MTUS2: variants seen among roughly 807,000 people sequenced by gnomAD.
MTUS2 encodes the protein microtubule associated scaffold protein 2.
MTUS2 carries 40 observed loss-of-function variants against 114.1 expected under a neutral mutation model. The ratio of observed to expected loss-of-function variants is 0.35; its 90% CI spans 0.27 to 0.46. MTUS2 has a LOEUF of 0.46. MTUS2 is among the 20% of genes least tolerant of loss of function. The pLI is 1.00. For synonymous variants in MTUS2, 688 were observed against 672.0 expected, an observed-to-expected ratio of 1.02 and a Z score of -0.37; for missense variants, 1,679 against 1,705.4, an observed-to-expected ratio of 0.98 and a Z score of 0.27.
intron 2 of MTUS2, among the ~76,000 whole-genome samples, chr13:28,964,301 G>C (rs1883473305): frequency 6.6e-6 from 1 of 152,128 alleles, no homozygotes; most frequent in South Asian, 2.1e-4. Context: ...TGTCCTTGCT[G>C]TCTTTCCTCA....
intron 8 of MTUS2, among the ~76,000 whole-genome samples, chr13:29,426,760 C>A (rs57713648): frequency 0.014 from 2,170 of 152,322 alleles, 54 homozygotes; most frequent in African/African-American, 0.048. Context: ...TTTGTAGCAC[C>A]TGTCAGAATT....
At chr13:29,215,819 G>A (rs1357010069) in intron 5 of MTUS2, among the ~76,000 whole-genome samples, 1 of 152,296 alleles carries the variant, frequency 6.6e-6, no homozygotes, top group Admixed American at 6.5e-5. Context: ...GTTGACCCCT[G>A]CTGGGAAGTG....
At chr13:28,916,431 A>G (rs1880749675) in intron 2 of MTUS2, among the ~76,000 whole-genome samples, 1 of 152,144 alleles carries the variant, frequency 6.6e-6, no homozygotes, top group East Asian at 1.9e-4. Context: ...ATCCATGAAC[A>G]TGGAATATCT....
chr13:29,155,957 ATAGT>A lies in MTUS2; in HGVS notation c.2644+54989_2644+54992del, dbSNP rs552209229. Among the ~76,000 whole-genome samples, 3 of 152,240 alleles carry A rather than the reference ATAGT, an allele frequency of 2.0e-5. No homozygotes were observed. In the East Asian group the frequency reaches 5.8e-4, roughly 29 times the overall value. On this transcript the variant is annotated intron_variant, in intron 5 of 15. Coordinates refer to ENST00000612955, the MANE Select transcript of MTUS2 (RefSeq NM_001033602.4). Reference sequence around the variant, plus strand: ...ATTGACATAGGAGGCAGGGCAGTAAATAGTTGGTCTGAATGGACAGTAACCATAA... The same window carrying A: ...ATTGACATAGGAGGCAGGGCAGTAAATGGTCTGAATGGACAGTAACCATAA...
chr13:29,253,841 A>C (rs973003977), intron 5 of MTUS2, among the ~76,000 whole-genome samples: 2 of 152,172 alleles, frequency 1.3e-5, no homozygotes, highest in Non-Finnish European at 2.9e-5. Context: ...AGAGAGAGAG[A>C]GAGCTTGTGC....
At position 29,480,060 on chromosome 13, in the gene MTUS2, C is replaced by A; in HGVS notation, c.3185-90C>A. ...AGAGGACCTCGCCCTGTTTATTACG[C>A]CAGCCTTGATGATCTGACCATGGAG... On this transcript the variant is annotated intron_variant, in intron 9 of 15. Transcript: ENST00000612955. This position sits in a 1 kb window ranked among gnomAD's most constrained non-coding sequence, Gnocchi z 4.4. 7.5e-7 allele frequency: 1 copy of A among 1,338,162 alleles called. No homozygotes were observed. 82.9% of individuals were successfully genotyped at this position (1,338,162 alleles called of 1,614,324 possible). A position where few individuals can be genotyped will look rare whatever the true frequency, so the allele number is the denominator to read the frequency against.
intron 2 of MTUS2, among the ~76,000 whole-genome samples, chr13:28,881,308 G>A (rs181416369): frequency 7.0e-4 from 106 of 152,132 alleles, no homozygotes; most frequent in African/African-American, 2.3e-3. Context: ...ACATTAGTCC[G>A]TTCTTTTTAG....
intron 5 of MTUS2, among the ~76,000 whole-genome samples, chr13:29,253,786 G>A (rs1402782438): frequency 6.6e-6 from 1 of 152,196 alleles, no homozygotes; most frequent in African/African-American, 2.4e-5. Context: ...CATGATGGAA[G>A]GCGAGGAAGA....
chr13:29,188,117 T>G (rs1894299455), intron 5 of MTUS2, among the ~76,000 whole-genome samples: 1 of 152,180 alleles, frequency 6.6e-6, no homozygotes, highest in South Asian at 2.1e-4. Flanking sequence ...CAGGAATCTG[T>G]AATTTTATCA....
At chr13:29,306,609 C>G (rs1326208681) in intron 6 of MTUS2, among the ~76,000 whole-genome samples, 2 of 152,170 alleles carry the variant, frequency 1.3e-5, no homozygotes, top group Non-Finnish European at 2.9e-5. Flanking sequence ...TCAAGGAAAA[C>G]TACATACCAC....
intron 2 of MTUS2, among the ~76,000 whole-genome samples, chr13:28,958,784 T>G (rs2138203003): frequency 6.6e-6 from 1 of 152,366 alleles, no homozygotes; most frequent in South Asian, 2.1e-4. Flanking sequence ...AAGCTGTAGC[T>G]GTGGATGTTT....
upstream of MTUS2, among the ~76,000 whole-genome samples, chr13:28,820,146 T>C (rs1309830071): frequency 6.8e-6 from 1 of 146,460 alleles, no homozygotes; most frequent in Non-Finnish European, 1.5e-5. Flanking sequence ...GGCTTCTCTT[T>C]GTCCAGGCGA....
chr13:29,360,249 A>G (rs1010168593), intron 8 of MTUS2, among the ~76,000 whole-genome samples: 1 of 152,218 alleles, frequency 6.6e-6, no homozygotes, highest in Non-Finnish European at 1.5e-5. Flanking sequence ...GTATCTATAC[A>G]TGGGAGGAAG....
At chr13:28,998,259 A>G (rs1885211981) in intron 2 of MTUS2, among the ~76,000 whole-genome samples, 1 of 152,222 alleles carries the variant, frequency 6.6e-6, no homozygotes, top group African/African-American at 2.4e-5. Context: ...CCAAGAGATC[A>G]GCTGTTAGTC....
chr13:29,436,356 GT>G, intron 8 of MTUS2, among the ~76,000 whole-genome samples: 1 of 152,268 alleles, frequency 6.6e-6, no homozygotes, highest in African/African-American at 2.4e-5. Context: ...TAGAGTCCCA[GT>G]TTCCTCCTCC....
intron 8 of MTUS2, among the ~76,000 whole-genome samples, chr13:29,376,065 ATATT>A (rs1045153086): frequency 2.7e-4 from 41 of 151,804 alleles, no homozygotes; most frequent in African/African-American, 7.7e-4. Flanking sequence ...GTGTGTATAT[ATATT>A]TATTTATTTA....
intron 8 of MTUS2, among the ~76,000 whole-genome samples, chr13:29,389,530 TATACAC>T (rs1378343947): frequency 3.6e-5 from 1 of 27,834 alleles, no homozygotes; most frequent in Non-Finnish European, 1.5e-4. Context: ...TGTATATATG[TATACAC>T]GTGTGTATAT....
intron 4 of MTUS2, among the ~76,000 whole-genome samples, chr13:29,042,957 A>T (rs181791264): frequency 6.6e-6 from 1 of 151,916 alleles, no homozygotes; most frequent in Admixed American, 6.6e-5. Flanking sequence ...TTTTCTTACA[A>T]TTGTATTTAG....
chr13:29,430,800 GATAGGATT>G (rs1316192289), intron 8 of MTUS2, among the ~76,000 whole-genome samples: 2 of 152,188 alleles, frequency 1.3e-5, no homozygotes, highest in Non-Finnish European at 2.9e-5. Flanking sequence ...CTAGGAGCAT[GATAGGATT>G]CCATTCCAAC....
Sources: gnomAD v4.1 joint callset for allele counts (sites outside exome capture counted in the v4.1 genomes callset) on GRCh38, gnomAD v4.1.1 for gene constraint, Gnocchi (gnomAD v3.1) non-coding constraint, MANE v1.5 for transcripts, NCBI Gene and HGNC (gene_info 2026-07-23, HGNC 2026-07-21) for gene names.